EFCAB13: variants seen among roughly 807,000 people sequenced by gnomAD.
EFCAB13 encodes EF-hand calcium-binding domain-containing protein 13.
A neutral mutation model predicts 110.2 loss-of-function variants in EFCAB13; 91 were observed. That is an observed-to-expected ratio of 0.83 (90% CI 0.70 to 0.98). The LOEUF is 0.98. Ranked by LOEUF, EFCAB13 falls within the 50% of genes least tolerant of loss-of-function variation. The probability of loss-of-function intolerance (pLI) is 0.00; values close to 1 mark genes in which losing one functional copy is unlikely to be tolerated. For synonymous variants in EFCAB13, 323 were observed against 369.9 expected, an observed-to-expected ratio of 0.87 and a Z score of 1.45; for missense variants, 968 against 1,119.4, an observed-to-expected ratio of 0.86 and a Z score of 1.93.
At chr17:47,325,694 C>A (rs1470636467) in intron 2 of EFCAB13, among the ~76,000 whole-genome samples, 1 of 151,738 alleles carries the variant, frequency 6.6e-6, no homozygotes, top group Admixed American at 6.6e-5. Flanking sequence ...TCAGTTCTTG[C>A]AGGTCTGTAC....
intron 24 of EFCAB13, among the ~76,000 whole-genome samples, chr17:47,434,460 T>C (rs922194643): frequency 3.9e-5 from 6 of 152,028 alleles, no homozygotes; most frequent in Admixed American, 2.6e-4. Flanking sequence ...GCTGTGAAAA[T>C]TACCGTACTG....
intron 10 of EFCAB13, among the ~76,000 whole-genome samples, chr17:47,362,543 C>T (rs1022194172): frequency 1.3e-5 from 2 of 152,306 alleles, no homozygotes; most frequent in South Asian, 4.1e-4. Flanking sequence ...ACTCCTCCAC[C>T]TCTTGTGGAG....
chr17:47,352,134 C>G (rs936598311), intron 9 of EFCAB13, among the ~76,000 whole-genome samples: 1 of 151,404 alleles, frequency 6.6e-6, no homozygotes, highest in East Asian at 1.9e-4. Flanking sequence ...GATCTCCTGA[C>G]CTCATGATCC....
chr17:47,420,953 C>T (rs2143492272), intron 23 of EFCAB13, among the ~76,000 whole-genome samples: 1 of 151,216 alleles, frequency 6.6e-6, no homozygotes, highest in Non-Finnish European at 1.5e-5. Context: ...TGAGGAGCCC[C>T]TCTGCCCAGC....
chr17:47,419,313 T>C (rs1166167180), intron 23 of EFCAB13, among the ~76,000 whole-genome samples: 1 of 152,124 alleles, frequency 6.6e-6, no homozygotes, highest in African/African-American at 2.4e-5. Flanking sequence ...GATGGCTGGG[T>C]GTGGTGGCTT....
rs563782665 is a variant in EFCAB13 at position 47,397,222 on chromosome 17, C to T, written c.1945+1245C>T. 5.3e-5 allele frequency among the ~76,000 whole-genome samples: 8 copies of T among 152,276 alleles called. No individual in the cohort carries two copies. The South Asian group carries it at 1.2e-3, about 24-fold the overall frequency. ...GGAGACGGGGTTTCGCTGTGTTGGC[C>T]GGGCTGGTCTCCAGCTCCTAGCCGC... On this transcript the variant is annotated intron_variant, in intron 17 of 24. Coordinates refer to ENST00000331493, the MANE Select transcript of EFCAB13 (RefSeq NM_152347.5).
At chr17:47,437,632 CTTTAAG>C (rs1273676668) in intron 24 of EFCAB13, among the ~76,000 whole-genome samples, 2 of 152,062 alleles carry the variant, frequency 1.3e-5, no homozygotes, top group African/African-American at 2.4e-5. Flanking sequence ...CACCCCTTTA[CTTTAAG>C]TTTATTTGAG....
In EFCAB13 at chr17:47,358,522, T is replaced by C. The variant is rs534529015; in HGVS notation, c.662-2856T>C. On this transcript the variant is annotated intron_variant, in intron 9 of 24. Coordinates refer to ENST00000331493, the MANE Select transcript of EFCAB13 (RefSeq NM_152347.5). ...CTTTTCATTTAAAAAACTGGGTTGT[T>C]CATCTCATTGATTTGTAGGAGTTTT... Among the ~76,000 whole-genome samples, 5 of 152,324 alleles carry C rather than the reference T, an allele frequency of 3.3e-5. No individual in the cohort carries two copies. The East Asian group carries it at 9.6e-4, about 29-fold the overall frequency.
At chr17:47,413,655 A>T (rs571609807) in intron 22 of EFCAB13, among the ~76,000 whole-genome samples, 28 of 152,230 alleles carry the variant, frequency 1.8e-4, no homozygotes, top group African/African-American at 6.7e-4. Context: ...CAGTTTTCTC[A>T]CATCATCAGA....
chr17:47,336,292 ATTTT>A (rs5820651), intron 5 of EFCAB13, among the ~76,000 whole-genome samples: 60 of 130,526 alleles, frequency 4.6e-4, no homozygotes, highest in African/African-American at 1.7e-3. Flanking sequence ...ACACTCGGCT[ATTTT>A]TTTTTTTTTT....
rs1437136720 is a variant in EFCAB13 at position 47,325,941 on chromosome 17, T to TAAACAAA, written c.-247-284_-247-283insAACAAAA. Among the ~76,000 whole-genome samples, 93 of 61,912 alleles carry TAAACAAA rather than the reference T, an allele frequency of 1.5e-3. 5 individuals are homozygous for TAAACAAA. The East Asian group carries it at 0.046, about 31-fold the overall frequency. 40.6% of individuals were successfully genotyped at this position (61,912 alleles called of 152,430 possible). A position where few individuals can be genotyped will look rare whatever the true frequency, so the allele number is the denominator to read the frequency against. ...TAAACAAAATATATATATATATATA[T>TAAACAAA]ATATATATATATATATATATAGCAT... On this transcript the variant is annotated intron_variant, in intron 2 of 24. Transcript: ENST00000331493.
At chr17:47,389,030 G>A (rs552886128) in intron 14 of EFCAB13, among the ~76,000 whole-genome samples, 1 of 151,972 alleles carries the variant, frequency 6.6e-6, no homozygotes, top group East Asian at 1.9e-4. Context: ...ATGCTTACTA[G>A]CCATTCATAA....
At chr17:47,351,778 T>C (rs1340535443) in intron 9 of EFCAB13, among the ~76,000 whole-genome samples, 1 of 152,106 alleles carries the variant, frequency 6.6e-6, no homozygotes, top group Non-Finnish European at 1.5e-5. Context: ...GTGCAGAAGC[T>C]TTTTAGTTTA....
chr17:47,369,916 A>C (rs2065571950), intron 10 of EFCAB13: 1 of 155,486 alleles, frequency 6.4e-6, no homozygotes, highest in African/African-American at 2.4e-5. Flanking sequence ...AGTGCTGGAC[A>C]CAGAGAAGGT....
intron 17 of EFCAB13, among the ~76,000 whole-genome samples, chr17:47,400,695 CTTCCCTTCCCTTCCT>C (rs1567799785): frequency 6.6e-6 from 1 of 151,456 alleles, no homozygotes; most frequent in Non-Finnish European, 1.5e-5. Context: ...CTTCCCTTCC[CTTCCCTTCCCTTCCT>C]TCCAGAATTG....
intron 14 of EFCAB13, among the ~76,000 whole-genome samples, chr17:47,389,676 G>T (rs1425567476): frequency 6.6e-6 from 1 of 150,502 alleles, no homozygotes; most frequent in African/African-American, 2.5e-5. Flanking sequence ...TCTTTTACCT[G>T]GGCTTTTTGT....
chr17:47,333,326 G>A (rs1419612948), intron 4 of EFCAB13, among the ~76,000 whole-genome samples: 1 of 152,066 alleles, frequency 6.6e-6, no homozygotes, highest in Non-Finnish European at 1.5e-5. Flanking sequence ...TGTAATTTGG[G>A]TATAAATCCT....
Position 47,391,467 on chromosome 17 carries a change from A to G in EFCAB13, c.1613A>G (p.Lys538Arg). Residue 538 changes from lysine to arginine, a missense_variant, in exon 15 of 25, where the codon AAA becomes AGA. Transcript: ENST00000331493. Reference sequence around the variant, plus strand: ...CCTGGTGTCATTAAAGCCATTGATAAAATTAAAGATAAAAATGTGGATTAT... The same window carrying G: ...CCTGGTGTCATTAAAGCCATTGATAGAATTAAAGATAAAAATGTGGATTAT... ...ALPGVIKAID[K>R]IKDKNVDYED... is the part of the protein sequence containing the mutation. 6.3e-7 allele frequency: 1 copy of G among 1,580,614 alleles called. No individual in the cohort carries two copies. Among genetic ancestry groups the G allele is most frequent in the Non-Finnish European group, 8.6e-7 (1 of 1,167,228 alleles).
At chr17:47,425,179 G>C (rs553069410) in intron 23 of EFCAB13, among the ~76,000 whole-genome samples, 5 of 151,940 alleles carry the variant, frequency 3.3e-5, no homozygotes, top group Non-Finnish European at 5.9e-5. Flanking sequence ...ACCGCGCCCG[G>C]CCCTCCGGTT....
Sources: allele counts gnomAD v4.1 joint callset (sites outside exome capture counted in the v4.1 genomes callset), GRCh38; gene constraint gnomAD v4.1.1; transcripts MANE v1.5; gene names NCBI Gene and HGNC (gene_info 2026-07-23, HGNC 2026-07-21).